ORC5: variants seen among roughly 807,000 people sequenced by gnomAD.
The protein encoded by ORC5 is protein phosphatase 1, regulatory subunit 117.
ORC5 carries 39 observed loss-of-function variants against 58.8 expected under a neutral mutation model. The observed-to-expected ratio is 0.66, with a 90% CI of 0.51 to 0.87. ORC5 has a LOEUF of 0.87. Among genes scored for constraint, ORC5 ranks in the 40% least tolerant of loss-of-function variants. The probability of loss-of-function intolerance (pLI) is 0.00; values close to 1 mark genes in which losing one functional copy is unlikely to be tolerated. For synonymous variants in ORC5, 218 were observed against 177.6 expected, an observed-to-expected ratio of 1.23 and a Z score of -1.81; for missense variants, 493 against 506.3, an observed-to-expected ratio of 0.97 and a Z score of 0.25.
chr7:104,159,032 G>A (rs1298620227), intron 12 of ORC5, among the ~76,000 whole-genome samples: 2 of 147,326 alleles, frequency 1.4e-5, no homozygotes, highest in Admixed American at 6.8e-5. Context: ...GCACAAGTAC[G>A]TTTATTACGG....
intron 13 of ORC5, among the ~76,000 whole-genome samples, chr7:104,135,710 C>T (rs1388795236): frequency 6.6e-6 from 1 of 152,186 alleles, no homozygotes; most frequent in African/African-American, 2.4e-5. Flanking sequence ...TAAAATTAAT[C>T]ATCAGAGGAG....
chr7:104,177,762 C>T (rs941112667), intron 8 of ORC5, among the ~76,000 whole-genome samples: 2 of 152,096 alleles, frequency 1.3e-5, no homozygotes, highest in African/African-American at 2.4e-5. Flanking sequence ...GTGTGATGTT[C>T]CCCTCCGTGT....
At chr7:104,190,875 G>T (rs1338532480) in intron 5 of ORC5, among the ~76,000 whole-genome samples, 2 of 151,412 alleles carry the variant, frequency 1.3e-5, no homozygotes, top group African/African-American at 4.9e-5. Flanking sequence ...TTTACCATTG[G>T]CCCTTGATTT....
chr7:104,168,154 TA>T, intron 9 of ORC5: 1 of 519,850 alleles, frequency 1.9e-6, no homozygotes, highest in Non-Finnish European at 2.7e-6. Flanking sequence ...TCATGAAATA[TA>T]AACATAATGA....
At chr7:104,174,161 ACTC>A (rs1424544509) in intron 8 of ORC5, among the ~76,000 whole-genome samples, 62 of 151,306 alleles carry the variant, frequency 4.1e-4, no homozygotes, top group African/African-American at 1.4e-3. Context: ...TTTTGTGAAT[ACTC>A]TTATCTTGGT....
intron 9 of ORC5, 105 bp from the exon 10 acceptor site, chr7:104,166,989 A>C (rs1338613952): frequency 1.6e-6 from 1 of 641,664 alleles, no homozygotes; most frequent in Non-Finnish European, 2.8e-6. Flanking sequence ...CTCTAGTCAA[A>C]ATGACCTATT....
intron 12 of ORC5, among the ~76,000 whole-genome samples, chr7:104,150,247 T>C (rs10282300): frequency 0.053 from 8,116 of 152,300 alleles, 711 homozygotes; most frequent in African/African-American, 0.18. Flanking sequence ...TATATGTCCA[T>C]TGACTTAAGA....
chr7:104,157,631 A>C (rs1187813735), intron 12 of ORC5, among the ~76,000 whole-genome samples: 1 of 152,132 alleles, frequency 6.6e-6, no homozygotes, highest in Non-Finnish European at 1.5e-5. Context: ...AATGGCTCAG[A>C]GCAGCTAGTA....
Position 104,130,979 on chromosome 7 carries a change from T to A in ORC5, c.1263-4086A>T, listed in dbSNP as rs563831431. On this transcript the variant is annotated intron_variant, in intron 13 of 13. Transcript: ENST00000297431. ...CTGAACTTACCTGGCAAAACCCCAG[T>A]ACGATGTGATTTCGATTATAATTCT... Among the ~76,000 whole-genome samples, 7 of 152,332 alleles carry A rather than the reference T, an allele frequency of 4.6e-5. No homozygotes were observed. The East Asian group carries it at 1.4e-3, about 29-fold the overall frequency.
At chr7:104,197,846 C>T (rs1799839892) in intron 3 of ORC5, 47 bp from the exon 4 acceptor site, 2 of 1,225,054 alleles carry the variant, frequency 1.6e-6, no homozygotes, top group African/African-American at 3.1e-5. Flanking sequence ...ATTTACAAAG[C>T]CTTTACAAAA....
At chr7:104,141,000 C>T (rs545158979) in intron 12 of ORC5, among the ~76,000 whole-genome samples, 1 of 152,228 alleles carries the variant, frequency 6.6e-6, no homozygotes, top group African/African-American at 2.4e-5. Context: ...AGTGGTAATG[C>T]CCAGATGGTG....
intron 8 of ORC5, among the ~76,000 whole-genome samples, chr7:104,174,135 C>T (rs574898844): frequency 1.3e-5 from 2 of 152,134 alleles, no homozygotes; most frequent in African/African-American, 4.8e-5. Flanking sequence ...TGAGCCACCG[C>T]GCCCGGCCGT....
intron 6 of ORC5, chr7:104,184,437 C>T (rs186620370): frequency 1.5e-4 from 54 of 369,992 alleles, no homozygotes; most frequent in African/African-American, 9.1e-4. Flanking sequence ...CCAGCCTGGA[C>T]AACATGGCAA....
At chr7:104,199,181 T>TA (rs1799873220) in intron 3 of ORC5, among the ~76,000 whole-genome samples, 1 of 152,224 alleles carries the variant, frequency 6.6e-6, no homozygotes, top group South Asian at 2.1e-4. Context: ...GAGTCCCCAC[T>TA]GGGCACTGCC....
intron 8 of ORC5, among the ~76,000 whole-genome samples, chr7:104,180,332 A>AAGAC (rs112784267): frequency 2.3e-4 from 35 of 151,946 alleles, no homozygotes; most frequent in African/African-American, 5.8e-4. Context: ...GCATTTTATC[A>AAGAC]AGATAACTTT....
At chr7:104,181,575 G>A (rs2115959494) in intron 8 of ORC5, among the ~76,000 whole-genome samples, 1 of 152,162 alleles carries the variant, frequency 6.6e-6, no homozygotes, top group East Asian at 1.9e-4. Flanking sequence ...CACGAGGTCA[G>A]GAGATCAAGA....
chr7:104,195,189 A>G lies in ORC5; in HGVS notation c.507T>C (p.Thr169=). The G allele has an allele frequency of 6.3e-7, 1 of 1,578,620 alleles. No individual in the cohort carries two copies. The highest frequency in any genetic ancestry group is 8.6e-7 in the Non-Finnish European group (1 of 1,167,244). The change falls in exon 5 of 14, where the codon ACT becomes ACC. Residue 169 remains threonine (T), a synonymous_variant. Coordinates refer to ENST00000297431, the MANE Select transcript of ORC5 (RefSeq NM_002553.4). ...EIVWEKFRPN[T]GCFEPFVLYF... Reference sequence around the variant, plus strand: ...ATAAGACAAACGGCTCAAAGCATCCAGTATTTGGACGAAACTTTTCCCAAA... The same window carrying G: ...ATAAGACAAACGGCTCAAAGCATCCGGTATTTGGACGAAACTTTTCCCAAA...
Position 104,197,801 on chromosome 7 carries a change from T to C in ORC5, c.367-2A>G. 6.5e-7 allele frequency: 1 copy of C among 1,543,402 alleles called. No individual in the cohort carries two copies. Among genetic ancestry groups the C allele is most frequent in the Non-Finnish European group, 8.7e-7 (1 of 1,144,150 alleles). ...TAGATACTCTGCTTTATCTAGAACC[T>C]TTAAAAAACAAAAAAACAAAACAAA... is the stretch of plus-strand genomic sequence containing the variant. On this transcript the variant is annotated splice_acceptor_variant, in intron 3 of 13. Transcript: ENST00000297431. LOFTEE classifies it high-confidence loss of function.
intron 12 of ORC5, among the ~76,000 whole-genome samples, chr7:104,157,424 T>C (rs1016517669): frequency 6.6e-6 from 1 of 152,066 alleles, no homozygotes; most frequent in Non-Finnish European, 1.5e-5. Context: ...AATATACAAA[T>C]TTATCATTTT....
Sources: gnomAD v4.1 joint callset for allele counts (sites outside exome capture counted in the v4.1 genomes callset) on GRCh38, gnomAD v4.1.1 for gene constraint, MANE v1.5 for transcripts, NCBI Gene and HGNC (gene_info 2026-07-23, HGNC 2026-07-21) for gene names.